RIT2: variants seen among roughly 807,000 people sequenced by gnomAD.
RIT2 encodes the protein Ras like without CAAX 2.
RIT2 carries 24 observed loss-of-function variants against 23.7 expected under a neutral mutation model. That is an observed-to-expected ratio of 1.01 (90% CI 0.73 to 1.43). RIT2 has a LOEUF of 1.43. Ranked by LOEUF, RIT2 falls within the 40% of genes most tolerant of loss-of-function variation. RIT2 has a pLI of 0.00. For missense variants in RIT2, 236 were observed against 266.9 expected (o/e 0.88, Z 0.81); for synonymous variants, 107 against 91.1 (o/e 1.17, Z -0.99).
intron 2 of RIT2, among the ~76,000 whole-genome samples, chr18:43,010,322 G>A (rs1465782112): frequency 6.6e-6 from 1 of 151,770 alleles, no homozygotes; most frequent in Non-Finnish European, 1.5e-5. Context: ...AGAAACTGAA[G>A]ACTTAGGTTA....
intron 4 of RIT2, among the ~76,000 whole-genome samples, chr18:42,796,407 C>G (rs1905362163): frequency 6.6e-6 from 1 of 152,182 alleles, no homozygotes; most frequent in African/African-American, 2.4e-5. Context: ...AGCTGTAACA[C>G]TCACCGCGAG....
chr18:43,112,438 T>G (rs925212196), intron 1 of RIT2, among the ~76,000 whole-genome samples: 2 of 152,242 alleles, frequency 1.3e-5, no homozygotes, highest in African/African-American at 4.8e-5. Flanking sequence ...TATAGGACTG[T>G]GCATAATACG....
At chr18:42,856,220 A>G (rs1301929949) in intron 4 of RIT2, among the ~76,000 whole-genome samples, 1 of 152,206 alleles carries the variant, frequency 6.6e-6, no homozygotes, top group Non-Finnish European at 1.5e-5. Flanking sequence ...TATGTGATCT[A>G]CTTTGTTTGA....
intron 3 of RIT2, among the ~76,000 whole-genome samples, chr18:42,927,310 G>A (rs1490657005): frequency 6.6e-6 from 1 of 151,228 alleles, no homozygotes; most frequent in Admixed American, 6.6e-5. Flanking sequence ...TTTTAACTTA[G>A]ATGACATTTT....
intron 1 of RIT2, among the ~76,000 whole-genome samples, chr18:43,079,156 C>T (rs1439443426): frequency 6.6e-6 from 1 of 152,148 alleles, no homozygotes; most frequent in African/African-American, 2.4e-5. Context: ...CCTTACAAAT[C>T]ATCTAATTCA....
At position 42,743,645 on chromosome 18, in the gene RIT2, A is replaced by G. The variant is rs748387427; in HGVS notation, c.502T>C (p.Phe168Leu). ...CCATGAAAAGCATCATCAATACAGA[A>G]TCTGAGGGCTGCAGAGGTCTCAAAA... ...GFFETSAALR[F>L]CIDDAFHGLV... Residue 168 changes from phenylalanine (F) to leucine (L), a missense_variant, in exon 5 of 5, where the codon TTC becomes CTC. Phe to Leu is a conservative substitution (Grantham distance 22). Coordinates refer to ENST00000326695, the MANE Select transcript of RIT2 (RefSeq NM_002930.4). 6.2e-7 allele frequency: 1 copy of G among 1,613,972 alleles called. No individual in the cohort carries two copies. The highest frequency in any genetic ancestry group is 8.5e-7 in the Non-Finnish European group (1 of 1,179,988).
At chr18:42,999,757 C>T (rs4890244) in intron 2 of RIT2, among the ~76,000 whole-genome samples, 18,734 of 151,890 alleles carry the variant, frequency 0.12, 1,280 homozygotes, top group African/African-American at 0.16. Context: ...TCAAAAGATA[C>T]AAAAAGACAA....
intron 4 of RIT2, among the ~76,000 whole-genome samples, chr18:42,826,913 T>C (rs1048360905): frequency 6.6e-6 from 1 of 152,100 alleles, no homozygotes; most frequent in African/African-American, 2.4e-5. Context: ...ATAACATCTG[T>C]CTCTATTGGA....
chr18:42,964,036 A>G (rs1021357869), intron 3 of RIT2, among the ~76,000 whole-genome samples: 3 of 151,892 alleles, frequency 2.0e-5, no homozygotes, highest in Admixed American at 6.6e-5. Context: ...CTAAAAATAC[A>G]AAAAATTAGC....
chr18:42,881,402 G>A (rs553243), intron 4 of RIT2, among the ~76,000 whole-genome samples: 78,121 of 151,870 alleles, frequency 0.51, 22,949 homozygotes, highest in African/African-American at 0.82. Flanking sequence ...CTTTAAAATG[G>A]TATTTTCTAA....
chr18:42,772,481 T>C (rs1285437861), intron 4 of RIT2, among the ~76,000 whole-genome samples: 1 of 151,928 alleles, frequency 6.6e-6, no homozygotes, highest in South Asian at 2.1e-4. Flanking sequence ...AATAAACTTC[T>C]AGGCCTTCTT....
At chr18:42,900,773 A>G (rs536340929) in intron 4 of RIT2, among the ~76,000 whole-genome samples, 5 of 152,204 alleles carry the variant, frequency 3.3e-5, no homozygotes, top group African/African-American at 1.2e-4. Context: ...GGAAAAACTT[A>G]GATGTTTGTG....
chr18:42,909,285 C>A (rs1908705349), intron 4 of RIT2, among the ~76,000 whole-genome samples: 1 of 152,042 alleles, frequency 6.6e-6, no homozygotes, highest in Admixed American at 6.6e-5. Flanking sequence ...GATGCAAAGG[C>A]ATAAGAGTGA....
intron 4 of RIT2, among the ~76,000 whole-genome samples, chr18:42,813,346 A>G (rs925764719): frequency 2.0e-5 from 3 of 152,188 alleles, no homozygotes; most frequent in Non-Finnish European, 4.4e-5. Context: ...TTTGAAAGAA[A>G]AAGTAGTGGT....
At chr18:43,101,931 A>G (rs371733994) in intron 1 of RIT2, among the ~76,000 whole-genome samples, 29 of 152,202 alleles carry the variant, frequency 1.9e-4, no homozygotes, top group African/African-American at 6.8e-4. Context: ...AAAAATAGAC[A>G]AAATAGGAAG....
chr18:42,904,530 A>G (rs1908560958), intron 4 of RIT2, among the ~76,000 whole-genome samples: 1 of 152,180 alleles, frequency 6.6e-6, no homozygotes, highest in African/African-American at 2.4e-5. Context: ...AATGAGAGCT[A>G]CAAGAGTATT....
At chr18:42,901,655 C>G (rs1415090619) in intron 4 of RIT2, among the ~76,000 whole-genome samples, 2 of 151,904 alleles carry the variant, frequency 1.3e-5, no homozygotes, top group African/African-American at 4.8e-5. Context: ...CTCATTAAAT[C>G]AATATTTTTT....
intron 4 of RIT2, among the ~76,000 whole-genome samples, chr18:42,907,203 T>C (rs1325760759): frequency 6.6e-6 from 1 of 152,162 alleles, no homozygotes; most frequent in East Asian, 1.9e-4. Flanking sequence ...AATAGATGAA[T>C]ACAGTGTGAA....
At chr18:43,028,143 T>C (rs1911774787) in intron 2 of RIT2, among the ~76,000 whole-genome samples, 1 of 152,074 alleles carries the variant, frequency 6.6e-6, no homozygotes, top group Non-Finnish European at 1.5e-5. Flanking sequence ...TGTGTGCTGA[T>C]ATAGGAAATG....
Sources: allele counts gnomAD v4.1 joint callset (sites outside exome capture counted in the v4.1 genomes callset), GRCh38; gene constraint gnomAD v4.1.1; transcripts MANE v1.5; gene names NCBI Gene and HGNC (gene_info 2026-07-23, HGNC 2026-07-21).